Variants in TAF1C observed in about 807,000 individuals in gnomAD.
TAF1C encodes the protein TATA box-binding protein-associated factor RNA polymerase I subunit C.
Under a neutral mutation model 70.5 loss-of-function variants are expected in TAF1C, and 79 were observed. That is an observed-to-expected ratio of 1.12 (90% confidence interval 0.93 to 1.35). The LOEUF (loss-of-function observed/expected upper bound fraction) is 1.35. Among genes scored for constraint, TAF1C ranks in the 40% most tolerant of loss-of-function variants. TAF1C has a pLI of 0.00. For missense variants in TAF1C, 1,412 were observed against 1,127.8 expected (o/e 1.25, Z -3.61); for synonymous variants, 614 against 491.1 (o/e 1.25, Z -3.31).
Position 84,181,350 on chromosome 16 carries a change from C to G in TAF1C, c.1142G>C (p.Gly381Ala). The G allele has an allele frequency of 3.1e-6, 5 of 1,613,720 alleles. No homozygotes were observed. In the South Asian group the frequency reaches 5.5e-5, roughly 18 times the overall value. The change falls in exon 11 of 15, where the codon GGA becomes GCA. Residue 381 changes from glycine (G) to alanine (A), a missense_variant. By Grantham distance (60) the Gly-to-Ala change is moderately conservative (BLOSUM62 0). Coordinates refer to ENST00000566732, the MANE Select transcript of TAF1C (RefSeq NM_001243156.2). The part of the protein sequence containing the change: ...PRVLTVGDRT[G>A]VKMLDTQGPP... Reference sequence around the variant, plus strand: ...TACCTGAGTGTCCAGCATCTTCACTCCGGTGCGGTCACCCACGGTCAGCAC... The same window carrying G: ...TACCTGAGTGTCCAGCATCTTCACTGCGGTGCGGTCACCCACGGTCAGCAC...
chr16:84,179,450 G>T lies in TAF1C; in HGVS notation c.2023C>A (p.Pro675Thr). ...GGTGCAGGGGGTGGCTCTGCCGCAG[G>T]GAGGGAGCCCAGGTCTCTCTGCAGC... The part of the protein sequence containing the change: ...LLLQRDLGSL[P>T]AAEPPPAPES... The change falls in exon 15 of 15, where the codon CCT becomes ACT. Residue 675 changes from proline (P) to threonine (T), a missense_variant. By Grantham distance (38) the Pro-to-Thr change is conservative. Transcript: ENST00000566732. The T allele has an allele frequency of 6.3e-7, 1 of 1,597,498 alleles. No individual in the cohort carries two copies.
Position 84,182,460 on chromosome 16 carries a change from A to C in TAF1C, c.483-20T>G. 1 of 1,589,420 alleles carries C rather than the reference A, an allele frequency of 6.3e-7. No homozygotes were observed. The highest frequency in any genetic ancestry group is 2.3e-5 in the East Asian group (1 of 44,370). Reference sequence around the variant, plus strand: ...GGACACCTGGGGACCAGAGAACAGCAGGAGGATCACTCGGTGGCACTCAGG... The same window carrying C: ...GGACACCTGGGGACCAGAGAACAGCCGGAGGATCACTCGGTGGCACTCAGG... On this transcript the variant is annotated intron_variant, in intron 6 of 14. Coordinates refer to ENST00000566732, the MANE Select transcript of TAF1C (RefSeq NM_001243156.2). The surrounding 1 kb of genome is among the most constrained non-coding windows in gnomAD (Gnocchi z 5.0).
chr16:84,181,475 A>T lies in TAF1C; in HGVS notation c.1029-12T>A. 6.2e-7 allele frequency: 1 copy of T among 1,613,626 alleles called. No individual in the cohort carries two copies. Among genetic ancestry groups the T allele is most frequent in the Non-Finnish European group, 8.5e-7 (1 of 1,179,930 alleles). On this transcript the variant is annotated splice_polypyrimidine_tract_variant and intron_variant, in intron 10 of 14. Transcript: ENST00000566732. ...AGATTTGCCGCAGCCTTGGGGAGAC[A>T]GGCAAGCCGTGGGCAGGGGGACAGG...
chr16:84,178,849 T>C lies in TAF1C; in HGVS notation c.*92A>G. 1 of 1,413,698 alleles carries C rather than the reference T, an allele frequency of 7.1e-7. No homozygotes were observed. The highest frequency in any genetic ancestry group is 2.3e-5 in the East Asian group (1 of 43,260). The allele number at this position is 1,413,698 out of a possible 1,614,324, so 87.6% of individuals were successfully genotyped here. A position where few individuals can be genotyped will look rare whatever the true frequency, so the allele number is the denominator to read the frequency against. On this transcript the variant is annotated 3_prime_UTR_variant, in exon 15 of 15. Transcript: ENST00000566732. ...GTGGCCTCCAGAAGGTGGCGAGCTC[T>C]GCTTCTCAAGTTTCAACTGTGGAAG...
chr16:84,178,627 G>T lies in TAF1C; in HGVS notation c.*314C>A, dbSNP rs916180441. 4.5e-6 allele frequency: 2 copies of T among 447,240 alleles called. No individual in the cohort carries two copies. Among genetic ancestry groups the T allele is most frequent in the Admixed American group, 3.3e-5 (1 of 30,156 alleles). 27.7% of individuals were successfully genotyped at this position (447,240 alleles called of 1,614,324 possible). On this transcript the variant is annotated 3_prime_UTR_variant, in exon 15 of 15. Transcript: ENST00000566732. Reference sequence around the variant, plus strand: ...GTGAGAACTGAGGGACCTGCCTGAGGCCCCCACAGCTGAGGCGCAGCGGAG... The same window carrying T: ...GTGAGAACTGAGGGACCTGCCTGAGTCCCCCACAGCTGAGGCGCAGCGGAG...
Position 84,179,693 on chromosome 16 carries a change from CA to C in TAF1C, c.1779del (p.Asp594ThrfsTer21). ...RDAGPPGDTQ[P>X]DCHAPTASWT... is the part of the protein sequence containing the mutation. ...CAGGAAGCTGTGGGGGCATGGCAGT[CA>C]GGTTGGGTGTCGCCAGGAGGCCCAG... On this transcript the variant is annotated frameshift_variant, in exon 15 of 15. Coordinates refer to ENST00000566732, the MANE Select transcript of TAF1C (RefSeq NM_001243156.2). LOFTEE classifies it low-confidence loss of function (END_TRUNC). The C allele has an allele frequency of 1.2e-6, 2 of 1,612,608 alleles. No homozygotes were observed. The highest frequency in any genetic ancestry group is 1.7e-6 in the Non-Finnish European group (2 of 1,179,940).
In TAF1C at chr16:84,184,929, G is replaced by A. The variant is rs761305538; in HGVS notation, c.60C>T (p.Ser20=). ...ACATGAAAGAGAGGTCAGGGACGTC[G>A]CTCAGACCAAGGGGGCCGGTCAGAA... ...ALFLTGPLGL[S]DVPDLSFMCS... The change falls in exon 2 of 15, where the codon AGC becomes AGT. Residue 20 remains serine (S), a synonymous_variant. Coordinates refer to ENST00000566732, the MANE Select transcript of TAF1C (RefSeq NM_001243156.2). The A allele has an allele frequency of 1.2e-6, 2 of 1,613,630 alleles. No homozygotes were observed. The highest frequency in any genetic ancestry group is 1.1e-5 in the South Asian group (1 of 90,978).
intron 12 of TAF1C, chr16:84,180,798 C>T (rs923959075): frequency 3.7e-6 from 5 of 1,360,152 alleles, no homozygotes; most frequent in Non-Finnish European, 4.7e-6. Context: ...GCCCCTCCTC[C>T]CCTGCTCCAC....
chr16:84,179,428 G>A lies in TAF1C; in HGVS notation c.2045C>T (p.Ala682Val), dbSNP rs998302296. 1.3e-6 allele frequency: 2 copies of A among 1,596,988 alleles called. No individual in the cohort carries two copies. ...CTTGTCCTCTAGGCCTGACTCGGGT[G>A]CAGGGGGTGGCTCTGCCGCAGGGAG... ...GSLPAAEPPP[A>V]PESGLEDKLS... Residue 682 changes from alanine (A) to valine (V), a missense_variant, in exon 15 of 15, where the codon GCA becomes GTA. Physicochemically the swap from Ala to Val is moderately conservative, Grantham distance 64. Transcript: ENST00000566732.
rs751788738 is a variant in TAF1C, at chr16:84,182,226, C to G, written c.697G>C (p.Ala233Pro). Residue 233 changes from alanine to proline, a missense_variant, in exon 7 of 15, where the codon GCT (alanine) becomes CCT (proline). Physicochemically the swap from Ala to Pro is conservative, Grantham distance 27. Coordinates refer to ENST00000566732, the MANE Select transcript of TAF1C (RefSeq NM_001243156.2). This position sits in a 1 kb window ranked among gnomAD's most constrained non-coding sequence, Gnocchi z 5.0. ...CGCAGCCTGTCCTGGGCGCCTCCAG[C>G]AGGGTAGACCAGCTGCCCGAACTGG... ...TPQFGQLVYPAGGAQDRLHFQ... is the reference protein window; with the variant it reads ...TPQFGQLVYPPGGAQDRLHFQ... 6.2e-7 allele frequency: 1 copy of G among 1,612,232 alleles called. No homozygotes were observed. Among genetic ancestry groups the G allele is most frequent in the Non-Finnish European group, 8.5e-7 (1 of 1,179,362 alleles).
chr16:84,183,456 C>T lies in TAF1C; in HGVS notation c.272G>A (p.Cys91Tyr), dbSNP rs4782591. 1 allele frequency: 1,608,407 copies of T among 1,612,372 alleles called. 802,228 individuals carry two copies. The highest frequency in any genetic ancestry group is 1 in the East Asian group (44,800 of 44,800). ...TARDLLFRGG[C>Y]RYRKRPRVVL... ...GACTCGGGGCCGCTTCCGATACCGG[C>T]ACCCTCCGCGGAAAAGCAGGTCCCG... The change falls in exon 4 of 15, where the codon TGC becomes TAC. Residue 91 changes from cysteine to tyrosine, a missense_variant. Physicochemically the swap from Cys to Tyr is radical, Grantham distance 194 (BLOSUM62 -2). Transcript: ENST00000566732.
rs375887386 is a variant in TAF1C, at chr16:84,179,664, G to A, written c.1809C>T (p.Thr603=). The A allele has an allele frequency of 5.0e-5, 80 of 1,612,556 alleles. No homozygotes were observed. The highest frequency in any genetic ancestry group is 6.6e-5 in the Non-Finnish European group (78 of 1,179,922). The change falls in exon 15 of 15, where the codon ACC becomes ACT. Residue 603 remains threonine (T), a synonymous_variant. Transcript: ENST00000566732. ...PDCHAPTASW[T]SQDTAGCSQW... ...GGCTGCAGCCGGCAGTGTCCTGGGA[G>A]GTCCAGGAAGCTGTGGGGGCATGGC...
intron 1 of TAF1C, among the ~76,000 whole-genome samples, 182 bp downstream of exon 1, chr16:84,186,719 A>T (rs2089507756): frequency 6.6e-6 from 1 of 152,106 alleles, no homozygotes; most frequent in Middle Eastern, 3.2e-3. Flanking sequence ...GCTCTCCAGG[A>T]CCCTTTAGAC....
In TAF1C at chr16:84,185,050, C is replaced by G; in HGVS notation, c.-62G>C. ...CGAGAGACTGGAAGCTGGTAAGGGG[C>G]GCCAGAGTTCCTGAGGAGTGAAAAG... is the stretch of plus-strand genomic sequence containing the variant. On this transcript the variant is annotated 5_prime_UTR_variant, in exon 2 of 15. Transcript: ENST00000566732. 2 of 1,568,366 alleles carry G rather than the reference C, an allele frequency of 1.3e-6. No homozygotes were observed. The highest frequency in any genetic ancestry group is 1.7e-6 in the Non-Finnish European group (2 of 1,156,386).
intron 13 of TAF1C, 40 bp from the exon 14 acceptor site, chr16:84,180,123 G>C: frequency 6.4e-7 from 1 of 1,565,204 alleles, no homozygotes; most frequent in Non-Finnish European, 8.6e-7. Context: ...TCCAGGCCCC[G>C]ACCGCCCCAT....
In TAF1C at chr16:84,179,384, C is replaced by A; in HGVS notation, c.2089G>T (p.Glu697Ter). The change falls in exon 15 of 15, where the codon GAA (glutamate) becomes TAA (stop). Residue 697 changes from glutamate to a stop codon, truncating the protein, a stop_gained. Transcript: ENST00000566732. LOFTEE classifies it low-confidence loss of function (END_TRUNC). ...GCAGCCCCTCGGCCTGCCCAGGCTTCCCCCAGGCGCTCACTGAGCTTGTCC... is the reference window on the plus strand; with the variant it reads ...GCAGCCCCTCGGCCTGCCCAGGCTTACCCCAGGCGCTCACTGAGCTTGTCC... ...LEDKLSERLGEAWAGRGAAWW... is the reference protein window; with the variant it reads ...LEDKLSERLG The A allele has an allele frequency of 6.3e-7, 1 of 1,598,662 alleles. No individual in the cohort carries two copies. Among genetic ancestry groups the A allele is most frequent in the Non-Finnish European group, 8.5e-7 (1 of 1,178,058 alleles).
chr16:84,180,281 G>C lies in TAF1C; in HGVS notation c.1372C>G (p.Leu458Val), dbSNP rs1481171332. ...LVPMLKWNHG[L>V]PSPLLLARLL... ...CGGGCCAGCAGGAGCGGGGAGGGGA[G>C]GCCATGGTTCCACTTCAGCATCGGC... The change falls in exon 13 of 15, where the codon CTC becomes GTC. Residue 458 changes from leucine to valine, a missense_variant. By Grantham distance (32) the Leu-to-Val change is conservative. Transcript: ENST00000566732. The C allele has an allele frequency of 5.8e-6, 9 of 1,549,750 alleles. No individual in the cohort carries two copies. Among genetic ancestry groups the C allele is most frequent in the African/African-American group, 2.7e-5 (2 of 72,996 alleles).
In TAF1C at chr16:84,182,248, C is replaced by A. The variant is rs2151305548; in HGVS notation, c.675G>T (p.Gln225His). 1 of 1,613,030 alleles carries A rather than the reference C, an allele frequency of 6.2e-7. No homozygotes were observed. Among genetic ancestry groups the A allele is most frequent in the Non-Finnish European group, 8.5e-7 (1 of 1,179,954 alleles). Residue 225 changes from glutamine to histidine, a missense_variant, in exon 7 of 15, where the codon CAG becomes CAT. Coordinates refer to ENST00000566732, the MANE Select transcript of TAF1C (RefSeq NM_001243156.2). This position sits in a 1 kb window ranked among gnomAD's most constrained non-coding sequence, Gnocchi z 5.0. ...ALAWVPGRTP[Q>H]FGQLVYPAGG... ...CAGCAGGGTAGACCAGCTGCCCGAA[C>A]TGGGGTGTCCTTCCAGGAACCCAGG...
Position 84,179,438 on chromosome 16 carries a change from G to C in TAF1C, c.2035C>G (p.Pro679Ala). Residue 679 changes from proline (P) to alanine (A), a missense_variant, in exon 15 of 15, where the codon CCA becomes GCA. Transcript: ENST00000566732. ...RDLGSLPAAE[P>A]PPAPESGLED... ...AGGCCTGACTCGGGTGCAGGGGGTG[G>C]CTCTGCCGCAGGGAGGGAGCCCAGG... 6.3e-7 allele frequency: 1 copy of C among 1,596,802 alleles called. No individual in the cohort carries two copies. Among genetic ancestry groups the C allele is most frequent in the Non-Finnish European group, 8.5e-7 (1 of 1,177,014 alleles).
Sources: gnomAD v4.1 joint callset for allele counts (sites outside exome capture counted in the v4.1 genomes callset) on GRCh38, gnomAD v4.1.1 for gene constraint, Gnocchi (gnomAD v3.1) non-coding constraint, MANE v1.5 for transcripts, NCBI Gene and HGNC (gene_info 2026-07-23, HGNC 2026-07-21) for gene names.